TACC2: variants seen among roughly 807,000 people sequenced by gnomAD.
TACC2 encodes transforming acidic coiled-coil-containing protein 2.
A neutral mutation model predicts 227.3 loss-of-function variants in TACC2; 137 were observed. The observed-to-expected ratio is 0.60, with a 90% CI of 0.52 to 0.69. The LOEUF is 0.69. Ranked by LOEUF, TACC2 falls within the 30% of genes least tolerant of loss-of-function variation. The pLI, the probability that TACC2 is intolerant of heterozygous loss-of-function variation, is 0.00. For missense variants in TACC2, 3,470 were observed against 3,694.4 expected, an observed-to-expected ratio of 0.94 and a Z score of 1.57; for synonymous variants, 1,523 against 1,487.5, an observed-to-expected ratio of 1.02 and a Z score of -0.55.
At chr10:122,200,339 G>C (rs1235635456) in intron 8 of TACC2, among the ~76,000 whole-genome samples, 3 of 152,132 alleles carry the variant, frequency 2.0e-5, no homozygotes, top group African/African-American at 7.3e-5. Context: ...GCCAGGTGAG[G>C]AGACATGAGA....
At chr10:122,005,833 C>G (rs1403948604) in intron 1 of TACC2, among the ~76,000 whole-genome samples, 1 of 151,688 alleles carries the variant, frequency 6.6e-6, no homozygotes, top group African/African-American at 2.4e-5. Context: ...AGCTGGGACT[C>G]TAGTTGTGCA....
chr10:122,178,908 G>T (rs11817052), intron 7 of TACC2, among the ~76,000 whole-genome samples: 13,180 of 152,176 alleles, frequency 0.087, 1,415 homozygotes, highest in African/African-American at 0.24. Context: ...AACCCCTACT[G>T]TTTTTAAAGC....
In TACC2 at chr10:122,086,935, G is replaced by T; in HGVS notation, c.4435G>T (p.Ala1479Ser). 16 of 1,613,952 alleles carry T rather than the reference G, an allele frequency of 9.9e-6. No homozygotes were observed. Among genetic ancestry groups the T allele is most frequent in the Non-Finnish European group, 1.4e-5 (16 of 1,180,040 alleles). The change falls in exon 4 of 23, where the codon GCT becomes TCT. Residue 1479 changes from alanine to serine, a missense_variant. By Grantham distance (99) the Ala-to-Ser change is moderately conservative. Around this residue, in one of 10 missense-constraint regions of TACC2, gnomAD observed 1,924 missense variants for 1,978.3 expected, o/e 0.97. Coordinates refer to ENST00000369005, the MANE Select transcript of TACC2 (RefSeq NM_206862.4). Reference sequence around the variant, plus strand: ...CCAGGTGGAGAAGAAGCAACAGTTGGCTGGAGAGGCTGAGATTTCCCATCT... The same window carrying T: ...CCAGGTGGAGAAGAAGCAACAGTTGTCTGGAGAGGCTGAGATTTCCCATCT... Reference protein sequence around the residue: ...RLQVEKKQQLAGEAEISHLAL... With the variant: ...RLQVEKKQQLSGEAEISHLAL...
intron 7 of TACC2, among the ~76,000 whole-genome samples, chr10:122,159,437 G>T (rs1249222397): frequency 1.3e-5 from 2 of 152,188 alleles, no homozygotes; most frequent in African/African-American, 4.8e-5. Flanking sequence ...TGACATGTGG[G>T]TGCTGCATTC....
At chr10:122,239,310 C>T (rs1164904374) in intron 18 of TACC2, among the ~76,000 whole-genome samples, 2 of 152,200 alleles carry the variant, frequency 1.3e-5, no homozygotes, top group African/African-American at 4.8e-5. Context: ...CACCCAGCCC[C>T]GATACTAGTT....
At chr10:122,163,671 G>T in intron 7 of TACC2, 1 of 1,053,460 alleles carries the variant, frequency 9.5e-7, no homozygotes, top group Non-Finnish European at 1.1e-6. Context: ...AGCCGCGCAC[G>T]CCGGCCACAC....
chr10:122,123,680 C>T (rs2086270395), intron 5 of TACC2, among the ~76,000 whole-genome samples: 1 of 152,158 alleles, frequency 6.6e-6, no homozygotes, highest in Admixed American at 6.6e-5. Flanking sequence ...GCCTTTGCTT[C>T]TCTTTTCAAA....
At position 121,993,090 on chromosome 10, in the gene TACC2, C is replaced by T. The variant is rs982964272; in HGVS notation, c.-46+3602C>T. 1.3e-4 allele frequency among the ~76,000 whole-genome samples: 20 copies of T among 152,210 alleles called. No homozygotes were observed. In the South Asian group the frequency reaches 2.5e-3, roughly 19 times the overall value. On this transcript the variant is annotated intron_variant, in intron 1 of 22. Coordinates refer to ENST00000369005, the MANE Select transcript of TACC2 (RefSeq NM_206862.4). ...ATCCCAGCACTTTGGGAGGCCAAGG[C>T]GGAAGGATCCCTTGAGCCAAGAGTT...
chr10:122,052,884 G>C (rs1394975107), intron 3 of TACC2, among the ~76,000 whole-genome samples: 1 of 152,218 alleles, frequency 6.6e-6, no homozygotes, highest in Non-Finnish European at 1.5e-5. Context: ...CATCGCTCCT[G>C]ACGGAGCAGG....
chr10:122,107,954 C>T (rs1240200234), intron 5 of TACC2, among the ~76,000 whole-genome samples: 7 of 135,578 alleles, frequency 5.2e-5, no homozygotes, highest in Non-Finnish European at 6.1e-5. Flanking sequence ...TGCAGTGGTG[C>T]GATCTTGGCT....
Position 122,229,484 on chromosome 10 carries a change from C to T in TACC2, c.8035C>T (p.Gln2679Ter). ...CCCCCCACTATTCGCTCAGAAACTC[C>T]AGGTTTGTAGCCCACGTGTGACCTT... ...KNPPLFAQKLQEELEFAIMRI... is the reference protein window; with the variant it reads ...KNPPLFAQKL The change falls in exon 15 of 23, where the codon CAG becomes TAG. Residue 2679 changes from glutamine to a stop codon, truncating the protein, a stop_gained and splice_region_variant. Coordinates refer to ENST00000369005, the MANE Select transcript of TACC2 (RefSeq NM_206862.4). LOFTEE classifies it high-confidence loss of function. The T allele has an allele frequency of 1.2e-6, 2 of 1,614,000 alleles. No homozygotes were observed. The highest frequency in any genetic ancestry group is 8.5e-7 in the Non-Finnish European group (1 of 1,180,016).
intron 2 of TACC2, among the ~76,000 whole-genome samples, chr10:122,037,307 T>G (rs1960726361): frequency 6.6e-6 from 1 of 152,216 alleles, no homozygotes; most frequent in African/African-American, 2.4e-5. Context: ...CCAGCCCTGG[T>G]AAGAAGTCTG....
intron 18 of TACC2, among the ~76,000 whole-genome samples, chr10:122,239,738 G>A (rs1338791267): frequency 1.3e-5 from 2 of 152,112 alleles, no homozygotes; most frequent in Non-Finnish European, 2.9e-5. Context: ...CCCCCAGGAG[G>A]TGCCATTTAC....
At chr10:122,188,741 G>A (rs796117261) in intron 7 of TACC2, among the ~76,000 whole-genome samples, 2 of 152,352 alleles carry the variant, frequency 1.3e-5, no homozygotes, top group South Asian at 2.1e-4. Flanking sequence ...TCAGGACGGC[G>A]ATGGCCAGCG....
intron 10 of TACC2, 57 bp from the exon 11 acceptor site, chr10:122,216,570 C>T (rs555507499): frequency 5.8e-6 from 9 of 1,564,462 alleles, no homozygotes; most frequent in African/African-American, 4.1e-5. Flanking sequence ...TGAGGGTGGG[C>T]ACAGTTTCTG....
intron 9 of TACC2, among the ~76,000 whole-genome samples, chr10:122,214,489 C>A (rs929481538): frequency 3.3e-5 from 5 of 152,106 alleles, no homozygotes; most frequent in Non-Finnish European, 7.4e-5. Context: ...GGATCACCCC[C>A]CAAAGCCTTT....
intron 1 of TACC2, among the ~76,000 whole-genome samples, chr10:122,011,422 C>T (rs904694377): frequency 3.3e-5 from 5 of 152,114 alleles, no homozygotes; most frequent in South Asian, 2.1e-4. Flanking sequence ...CTCCACTTCC[C>T]GGGTTCAAGC....
At chr10:122,033,085 G>A (rs947430831) in intron 2 of TACC2, 5 of 1,288,916 alleles carry the variant, frequency 3.9e-6, no homozygotes, top group Middle Eastern at 2.1e-4. Flanking sequence ...AGATCCCTTT[G>A]CATTTCAGCA....
intron 2 of TACC2, among the ~76,000 whole-genome samples, chr10:122,039,381 G>A (rs2135970297): frequency 6.6e-6 from 1 of 152,304 alleles, no homozygotes; most frequent in African/African-American, 2.4e-5. Flanking sequence ...AGCTGGCATG[G>A]GTAAGGTGGG....
Sources: allele counts gnomAD v4.1 joint callset (sites outside exome capture counted in the v4.1 genomes callset), GRCh38; gene constraint gnomAD v4.1.1; regional missense constraint gnomAD v4.1.1; transcripts MANE v1.5; gene names NCBI Gene and HGNC (gene_info 2026-07-23, HGNC 2026-07-21).